The following IFFO2 variants were observed in gnomAD, a reference collection of about 807,000 sequenced individuals.
IFFO2 encodes the protein intermediate filament family orphan 2.
IFFO2 carries 19 observed loss-of-function variants against 53.5 expected under a neutral mutation model. The ratio of observed to expected loss-of-function variants is 0.36; its 90% CI spans 0.25 to 0.52. The LOEUF is 0.52. IFFO2 is among the 20% of genes least tolerant of loss of function. The pLI is 0.94. For synonymous variants in IFFO2, 303 were observed against 313.6 expected, an observed-to-expected ratio of 0.97 and a Z score of 0.36; for missense variants, 570 against 727.4, an observed-to-expected ratio of 0.78 and a Z score of 2.49.
intron 5 of IFFO2, among the ~76,000 whole-genome samples, chr1:18,914,368 T>C (rs533839361): frequency 5.9e-5 from 9 of 152,346 alleles, no homozygotes; most frequent in African/African-American, 2.2e-4. Context: ...CTGGGGACTT[T>C]ATAAAAGCAG....
intron 1 of IFFO2, among the ~76,000 whole-genome samples, chr1:18,932,900 C>G (rs182160552): frequency 1.2e-4 from 19 of 152,346 alleles, no homozygotes; most frequent in South Asian, 1.2e-3. Flanking sequence ...GTGCCTGGCA[C>G]AAGACCTGGC....
Position 18,919,915 on chromosome 1 carries a change from C to T in IFFO2, c.727-142G>A. On this transcript the variant is annotated intron_variant, in intron 2 of 8. Transcript: ENST00000455833. The surrounding 1 kb of genome is among the most constrained non-coding windows in gnomAD (Gnocchi z 4.9). The stretch of plus-strand genomic sequence containing the variant: ...CAGCCAGGGAAGGGGCACCAAGGAC[C>T]TCATCCCAGCCTGACTTCCCACTGA... 1 of 615,824 alleles carries T rather than the reference C, an allele frequency of 1.6e-6. No homozygotes were observed. The highest frequency in any genetic ancestry group is 2.9e-6 in the Non-Finnish European group (1 of 345,276). The allele number at this position is 615,824 out of a possible 1,614,324, so 38.1% of individuals were successfully genotyped here. A position where few individuals can be genotyped will look rare whatever the true frequency, so the allele number is the denominator to read the frequency against.
chr1:18,908,350 T>C lies in IFFO2; in HGVS notation c.*211A>G, dbSNP rs990037569. 1 of 562,616 alleles carries C rather than the reference T, an allele frequency of 1.8e-6. No homozygotes were observed. The highest frequency in any genetic ancestry group is 1.9e-5 in the African/African-American group (1 of 52,948). The allele number at this position is 562,616 out of a possible 1,614,324, so 34.9% of individuals were successfully genotyped here. On this transcript the variant is annotated 3_prime_UTR_variant, in exon 9 of 9. Transcript: ENST00000455833. ...CAATAGAAATTGACAGCACCATTCC[T>C]TGGGTGGGTGGGGGATGGAGACGGG...
Position 18,918,403 on chromosome 1 carries a change from C to G in IFFO2, c.922G>C (p.Ala308Pro). ...ACGTCTTCTGAGTTCCGCTGCTGTG[C>G]GACATCGCACAGCTTGGCCGTGATA... ...IDITAKLCDVAQQRNSEDVSK... is the reference protein window; with the variant it reads ...IDITAKLCDVPQQRNSEDVSK... Residue 308 changes from alanine to proline, a missense_variant, in exon 4 of 9, where the codon GCA becomes CCA. Physicochemically the swap from Ala to Pro is conservative, Grantham distance 27 (BLOSUM62 -1). Transcript: ENST00000455833. The surrounding 1 kb of genome is among the most constrained non-coding windows in gnomAD (Gnocchi z 5.2). 6.4e-7 allele frequency: 1 copy of G among 1,554,534 alleles called. No homozygotes were observed. Among genetic ancestry groups the G allele is most frequent in the South Asian group, 1.2e-5 (1 of 84,168 alleles).
intron 1 of IFFO2, among the ~76,000 whole-genome samples, chr1:18,938,566 G>A (rs1040100111): frequency 1.3e-5 from 2 of 152,220 alleles, no homozygotes; most frequent in South Asian, 4.1e-4. Flanking sequence ...GCCACTGGGC[G>A]TAACCACCAG....
At position 18,918,253 on chromosome 1, in the gene IFFO2, A is replaced by C; in HGVS notation, c.963+109T>G. ...GTAGTGCTACCTCTCGGGGAAGGGG[A>C]GGGAGTGAGTGGGATGTGGAGGCAA... is the stretch of plus-strand genomic sequence containing the variant. On this transcript the variant is annotated intron_variant, in intron 4 of 8. Coordinates refer to ENST00000455833, the MANE Select transcript of IFFO2 (RefSeq NM_001136265.2). This position sits in a 1 kb window ranked among gnomAD's most constrained non-coding sequence, Gnocchi z 5.2. 1 of 1,021,836 alleles carries C rather than the reference A, an allele frequency of 9.8e-7. No homozygotes were observed. Among genetic ancestry groups the C allele is most frequent in the Non-Finnish European group, 1.4e-6 (1 of 692,140 alleles). 63.3% of individuals were successfully genotyped at this position (1,021,836 alleles called of 1,614,324 possible).
intron 8 of IFFO2, 147 bp downstream of exon 8, chr1:18,910,193 GGA>G: frequency 2.3e-6 from 2 of 853,922 alleles, no homozygotes; most frequent in Admixed American, 2.3e-5. Context: ...GTCACTGGAT[GGA>G]TGGATGGATG....
rs1935936721 is a variant in IFFO2, at chr1:18,905,665, G to A, written c.*2896C>T. On this transcript the variant is annotated 3_prime_UTR_variant, in exon 9 of 9. Transcript: ENST00000455833. ...TGATTTGCCAATAATTTTTTTCTCT[G>A]TTCGGAGTCTCAGAGGAGTGCGAGT... 1 of 150,182 alleles carries A rather than the reference G, an allele frequency of 6.7e-6. No individual in the cohort carries two copies. The highest frequency in any genetic ancestry group is 2.5e-5 in the African/African-American group (1 of 40,222). 9.3% of individuals were successfully genotyped at this position (150,182 alleles called of 1,614,324 possible).
chr1:18,915,605 G>A (rs904974628), intron 5 of IFFO2, among the ~76,000 whole-genome samples: 1 of 151,970 alleles, frequency 6.6e-6, no homozygotes, highest in African/African-American at 2.4e-5. Flanking sequence ...CATACTAGCT[G>A]AGTGGTGTTA....
intron 8 of IFFO2, 130 bp downstream of exon 8, chr1:18,910,212 T>TGGAC (rs755385993): frequency 6.0e-6 from 6 of 994,120 alleles, no homozygotes; most frequent in Non-Finnish European, 8.7e-6. Context: ...GATGGATGGA[T>TGGAC]GGACGGACGG....
At chr1:18,931,887 C>T (rs1936380501) in intron 1 of IFFO2, among the ~76,000 whole-genome samples, 3 of 152,348 alleles carry the variant, frequency 2.0e-5, no homozygotes, top group African/African-American at 4.8e-5. Context: ...TACAGTGCCA[C>T]GGTCAGATGC....
intron 5 of IFFO2, among the ~76,000 whole-genome samples, chr1:18,914,245 G>A (rs1936098109): frequency 6.6e-6 from 1 of 152,204 alleles, no homozygotes; most frequent in Non-Finnish European, 1.5e-5. Context: ...CGCCTGACTT[G>A]GATCTGAATG....
intron 1 of IFFO2, among the ~76,000 whole-genome samples, chr1:18,926,302 T>C (rs1936296231): frequency 6.6e-6 from 1 of 152,172 alleles, no homozygotes; most frequent in African/African-American, 2.4e-5. Context: ...GCTTCATCCA[T>C]TCGGCTCCAG....
At chr1:18,950,056 A>G (rs1248970053) in intron 1 of IFFO2, among the ~76,000 whole-genome samples, 1 of 152,236 alleles carries the variant, frequency 6.6e-6, no homozygotes, top group Non-Finnish European at 1.5e-5. Flanking sequence ...ATAGTTCTCA[A>G]GGGACCCGAG....
intron 5 of IFFO2, among the ~76,000 whole-genome samples, chr1:18,913,271 T>G (rs1569831747): frequency 6.6e-6 from 1 of 152,152 alleles, no homozygotes; most frequent in East Asian, 1.9e-4. Flanking sequence ...AGCCCATAGG[T>G]GGCTCCCCGA....
chr1:18,911,362 G>C, intron 7 of IFFO2, 22 bp downstream of exon 7: 1 of 1,347,640 alleles, frequency 7.4e-7, no homozygotes, highest in Non-Finnish European at 1.0e-6. Flanking sequence ...TCACGAGTGG[G>C]CTCCACGTCC....
chr1:18,918,803 A>T lies in IFFO2; in HGVS notation c.823-301T>A, dbSNP rs1043780871. Among the ~76,000 whole-genome samples, 1 of 152,092 alleles carries T rather than the reference A, an allele frequency of 6.6e-6. No individual in the cohort carries two copies. Among genetic ancestry groups the T allele is most frequent in the Admixed American group, 6.5e-5 (1 of 15,280 alleles). On this transcript the variant is annotated intron_variant, in intron 3 of 8. Coordinates refer to ENST00000455833, the MANE Select transcript of IFFO2 (RefSeq NM_001136265.2). This position sits in a 1 kb window ranked among gnomAD's most constrained non-coding sequence, Gnocchi z 5.2. ...CCGTGTTCACTTTGTTAGAGCGAAG[A>T]AAAAAGACAACTCCCGCTGGAGAAA...
rs909320490 is a variant in IFFO2 at position 18,904,791 on chromosome 1, C to A, written c.*3770G>T. ...GAAGACCCCTGTCCTAGGAAACCCC[C>A]AGCACCCTGATCCCTCCCCCCAGGG... On this transcript the variant is annotated 3_prime_UTR_variant, in exon 9 of 9. Transcript: ENST00000455833. 5 of 152,220 alleles carry A rather than the reference C, an allele frequency of 3.3e-5. No homozygotes were observed. The highest frequency in any genetic ancestry group is 7.3e-5 in the Non-Finnish European group (5 of 68,126). The allele number at this position is 152,220 out of a possible 1,614,324, so 9.4% of individuals were successfully genotyped here.
At chr1:18,937,528 G>C (rs1936465506) in intron 1 of IFFO2, among the ~76,000 whole-genome samples, 1 of 152,168 alleles carries the variant, frequency 6.6e-6, no homozygotes, top group Admixed American at 6.5e-5. Flanking sequence ...AACTACCCAT[G>C]GGGCTGGAGA....
Sources: allele counts gnomAD v4.1 joint callset (sites outside exome capture counted in the v4.1 genomes callset), GRCh38; gene constraint gnomAD v4.1.1; non-coding constraint Gnocchi (gnomAD v3.1); transcripts MANE v1.5; gene names NCBI Gene and HGNC (gene_info 2026-07-23, HGNC 2026-07-21).